PRKN: variants seen among roughly 807,000 people sequenced by gnomAD.
PRKN encodes the protein parkin RBR E3 ubiquitin protein ligase.
A neutral mutation model predicts 59.5 loss-of-function variants in PRKN; 56 were observed. The ratio of observed to expected loss-of-function variants is 0.94; its 90% CI spans 0.76 to 1.18. The LOEUF (loss-of-function observed/expected upper bound fraction) is 1.18, where lower values mean the gene tolerates loss of function less well. Ranked by LOEUF, PRKN falls within the 50% of genes most tolerant of loss-of-function variation. The pLI, the probability that PRKN is intolerant of heterozygous loss-of-function variation, is 0.00. For synonymous variants in PRKN, 250 were observed against 222.1 expected (o/e 1.13, Z -1.12); for missense variants, 657 against 596.4 (o/e 1.10, Z -1.06).
intron 1 of PRKN, among the ~76,000 whole-genome samples, chr6:162,572,326 A>T (rs188684653): frequency 6.6e-6 from 1 of 152,172 alleles, no homozygotes; most frequent in African/African-American, 2.4e-5. Context: ...ATAAACACTC[A>T]GCACTCGTGA....
At chr6:161,847,185 G>A (rs1380497856) in intron 6 of PRKN, among the ~76,000 whole-genome samples, 1 of 152,122 alleles carries the variant, frequency 6.6e-6, no homozygotes, top group Non-Finnish European at 1.5e-5. Context: ...GCGGGTGCCT[G>A]TAGTCCCAGC....
intron 9 of PRKN, among the ~76,000 whole-genome samples, chr6:161,477,654 A>AT (rs1791171073): frequency 6.6e-6 from 1 of 152,214 alleles, no homozygotes; most frequent in African/African-American, 2.4e-5. Context: ...GTGTGAAAGG[A>AT]TAAGTTGTTT....
intron 6 of PRKN, among the ~76,000 whole-genome samples, chr6:161,944,793 T>G (rs1313073401): frequency 6.6e-6 from 1 of 152,218 alleles, no homozygotes; most frequent in Non-Finnish European, 1.5e-5. Flanking sequence ...GAAATCTATG[T>G]TAGAAGAAAA....
At chr6:162,424,028 T>C (rs116992826) in intron 2 of PRKN, among the ~76,000 whole-genome samples, 420 of 152,142 alleles carry the variant, frequency 2.8e-3, no homozygotes, top group Non-Finnish European at 3.9e-3. Flanking sequence ...AACAGATAAA[T>C]AAACTGTGGT....
chr6:161,707,155 G>A (rs1276296098), intron 7 of PRKN, among the ~76,000 whole-genome samples: 5 of 152,000 alleles, frequency 3.3e-5, no homozygotes, highest in Non-Finnish European at 5.9e-5. Flanking sequence ...ATTTCCAAGG[G>A]GATATTATAC....
chr6:162,564,280 G>C (rs1779969859), intron 1 of PRKN, among the ~76,000 whole-genome samples: 1 of 152,010 alleles, frequency 6.6e-6, no homozygotes, highest in South Asian at 2.1e-4. Context: ...GGGAGGCAGA[G>C]GTTGCAGTGA....
At chr6:161,411,898 C>T (rs1787564091) in intron 9 of PRKN, among the ~76,000 whole-genome samples, 1 of 149,740 alleles carries the variant, frequency 6.7e-6, no homozygotes, top group Non-Finnish European at 1.5e-5. Context: ...CTCATTCATT[C>T]CTCCACTCAC....
rs1303052619 is a variant in PRKN at position 161,391,927 on chromosome 6, CTCTCCATATA to C, written c.1084-5060_1084-5051del. Among the ~76,000 whole-genome samples the C allele has an allele frequency of 6.6e-6, 1 of 151,924 alleles. No individual in the cohort carries two copies. The highest frequency in any genetic ancestry group is 1.5e-5 in the Non-Finnish European group (1 of 68,002). On this transcript the variant is annotated intron_variant, in intron 9 of 11. Transcript: ENST00000366898. This position sits in a 1 kb window ranked among gnomAD's most constrained non-coding sequence, Gnocchi z 4.9. Reference sequence around the variant, plus strand: ...TGTAAGCCACTTCCTTCCAGTAAATCTCTCCATATATCTGTGTATACACAGATATATAGAT... The same window carrying C: ...TGTAAGCCACTTCCTTCCAGTAAATCTCTGTGTATACACAGATATATAGAT...
In PRKN at chr6:161,442,400, T is replaced by A. The variant is rs1168871188; in HGVS notation, c.1084-55523A>T. ...TAGATTTAAGACACTATTCTTACTG[T>A]CCACAAACAGGTTTACTTTAGTGAT... On this transcript the variant is annotated intron_variant, in intron 9 of 11. Coordinates refer to ENST00000366898, the MANE Select transcript of PRKN (RefSeq NM_004562.3). The surrounding 1 kb of genome is among the most constrained non-coding windows in gnomAD (Gnocchi z 4.6). Among the ~76,000 whole-genome samples, 1 of 152,224 alleles carries A rather than the reference T, an allele frequency of 6.6e-6. No individual in the cohort carries two copies. The highest frequency in any genetic ancestry group is 1.5e-5 in the Non-Finnish European group (1 of 68,032).
In PRKN at chr6:161,428,943, T is replaced by G. The variant is rs913298880; in HGVS notation, c.1084-42066A>C. On this transcript the variant is annotated intron_variant, in intron 9 of 11. Transcript: ENST00000366898. The surrounding 1 kb of genome is among the most constrained non-coding windows in gnomAD (Gnocchi z 4.0). ...CCACCTTCTTCCTGATGGCCAGGCA[T>G]ACATTCCTGCCCTAAGACTGGAAGG... Among the ~76,000 whole-genome samples the G allele has an allele frequency of 6.6e-6, 1 of 152,166 alleles. No homozygotes were observed. The highest frequency in any genetic ancestry group is 1.5e-5 in the Non-Finnish European group (1 of 68,032).
At chr6:161,508,201 G>A (rs1483713929) in intron 9 of PRKN, among the ~76,000 whole-genome samples, 2 of 152,174 alleles carry the variant, frequency 1.3e-5, no homozygotes, top group African/African-American at 4.8e-5. Flanking sequence ...AAAAAAATGT[G>A]TGTGTCCTTG....
At chr6:162,195,879 T>C (rs901670692) in intron 4 of PRKN, among the ~76,000 whole-genome samples, 1 of 152,210 alleles carries the variant, frequency 6.6e-6, no homozygotes, top group Non-Finnish European at 1.5e-5. Context: ...TGGAGAATTT[T>C]GCTCCCAGGA....
intron 7 of PRKN, among the ~76,000 whole-genome samples, chr6:161,629,394 C>G (rs1783211130): frequency 6.6e-6 from 1 of 152,086 alleles, no homozygotes; most frequent in Non-Finnish European, 1.5e-5. Flanking sequence ...ACAAGCCTCT[C>G]CCCTGCACCC....
Position 161,413,339 on chromosome 6 carries a change from G to A in PRKN, c.1084-26462C>T, listed in dbSNP as rs990199133. On this transcript the variant is annotated intron_variant, in intron 9 of 11. Coordinates refer to ENST00000366898, the MANE Select transcript of PRKN (RefSeq NM_004562.3). This position sits in a 1 kb window ranked among gnomAD's most constrained non-coding sequence, Gnocchi z 4.4. ...TCCCTCCGCTTTCCCTTCACTTCCTGAGTCTCTTTCCATTAGAAGAAGAAT... is the reference window on the plus strand; with the variant it reads ...TCCCTCCGCTTTCCCTTCACTTCCTAAGTCTCTTTCCATTAGAAGAAGAAT... Among the ~76,000 whole-genome samples the A allele has an allele frequency of 1.3e-5, 2 of 152,174 alleles. No individual in the cohort carries two copies. The highest frequency in any genetic ancestry group is 2.9e-5 in the Non-Finnish European group (2 of 68,044).
intron 9 of PRKN, among the ~76,000 whole-genome samples, chr6:161,535,556 T>G (rs1292421487): frequency 6.6e-6 from 1 of 152,246 alleles, no homozygotes; most frequent in Non-Finnish European, 1.5e-5. Flanking sequence ...AGTTTCTAGC[T>G]GGGCACATCG....
intron 2 of PRKN, among the ~76,000 whole-genome samples, chr6:162,324,701 A>G (rs1372594630): frequency 6.6e-6 from 1 of 152,144 alleles, no homozygotes; most frequent in African/African-American, 2.4e-5. Context: ...TGATCCTTAT[A>G]TACAATTAAA....
At chr6:161,699,986 T>C (rs566704139) in intron 7 of PRKN, among the ~76,000 whole-genome samples, 2 of 152,264 alleles carry the variant, frequency 1.3e-5, no homozygotes, top group South Asian at 4.2e-4. Flanking sequence ...CTGCAGGGTC[T>C]GCAGTCATGG....
intron 9 of PRKN, among the ~76,000 whole-genome samples, chr6:161,420,632 C>T (rs1280157649): frequency 2.6e-5 from 4 of 152,052 alleles, no homozygotes; most frequent in Non-Finnish European, 4.4e-5. Context: ...CCCACCTCAG[C>T]GTCCTGAGCT....
intron 1 of PRKN, among the ~76,000 whole-genome samples, chr6:162,676,024 T>C (rs1779529934): frequency 6.6e-6 from 1 of 152,190 alleles, no homozygotes; most frequent in East Asian, 1.9e-4. Flanking sequence ...TTTAATCTTT[T>C]AGAGAAGCAA....
Sources: gnomAD v4.1 joint callset for allele counts (sites outside exome capture counted in the v4.1 genomes callset) on GRCh38, gnomAD v4.1.1 for gene constraint, Gnocchi (gnomAD v3.1) non-coding constraint, MANE v1.5 for transcripts, NCBI Gene and HGNC (gene_info 2026-07-23, HGNC 2026-07-21) for gene names.